The following MARCHF10 variants were observed in gnomAD, a reference collection of about 807,000 sequenced individuals.
MARCHF10 encodes the protein membrane associated ring-CH-type finger 10.
MARCHF10 carries 64 observed loss-of-function variants against 76.2 expected under a neutral mutation model. The ratio of observed to expected loss-of-function variants is 0.84; its 90% CI spans 0.69 to 1.03. The LOEUF (loss-of-function observed/expected upper bound fraction) is 1.03. Among genes scored for constraint, MARCHF10 ranks in the 50% least tolerant of loss-of-function variants. The pLI is 0.00. For missense variants in MARCHF10, 875 were observed against 958.0 expected (o/e 0.91, Z 1.14); for synonymous variants, 340 against 357.5 (o/e 0.95, Z 0.55).
chr17:62,775,077 C>CA (rs772331539), intron 3 of MARCHF10, among the ~76,000 whole-genome samples: 58 of 150,860 alleles, frequency 3.8e-4, no homozygotes, highest in Admixed American at 6.6e-4. Context: ...AAAACAAAAA[C>CA]AAACAAAAAA....
chr17:62,732,174 A>G (rs370878417), intron 6 of MARCHF10, among the ~76,000 whole-genome samples: 9 of 152,242 alleles, frequency 5.9e-5, no homozygotes, highest in African/African-American at 1.4e-4. Flanking sequence ...ATGTTTATCA[A>G]AGAAAAAGTC....
chr17:62,739,086 G>A (rs1474261714), intron 5 of MARCHF10, among the ~76,000 whole-genome samples: 3 of 152,148 alleles, frequency 2.0e-5, no homozygotes, highest in African/African-American at 4.8e-5. Context: ...ATCACTTAAG[G>A]TCAGGAGTTC....
chr17:62,768,489 C>T (rs2092382197), intron 3 of MARCHF10, among the ~76,000 whole-genome samples: 1 of 152,192 alleles, frequency 6.6e-6, no homozygotes, highest in Non-Finnish European at 1.5e-5. Context: ...CATTGCACTC[C>T]AGTCTGGGTG....
chr17:62,748,714 CA>C (rs1231255556), intron 4 of MARCHF10, among the ~76,000 whole-genome samples: 1 of 152,220 alleles, frequency 6.6e-6, no homozygotes, highest in Non-Finnish European at 1.5e-5. Context: ...CACTGCACTC[CA>C]GCCTGGGCAA....
intron 3 of MARCHF10, among the ~76,000 whole-genome samples, chr17:62,770,177 T>C (rs1244063121): frequency 1.3e-5 from 2 of 152,228 alleles, no homozygotes; most frequent in African/African-American, 2.4e-5. Context: ...GCTCCATCCA[T>C]ATTGCTCCAA....
chr17:62,705,471 C>T, intron 10 of MARCHF10, 68 bp downstream of exon 10: 5 of 1,613,896 alleles, frequency 3.1e-6, no homozygotes, highest in Non-Finnish European at 4.2e-6. Flanking sequence ...TTTGGTTCCA[C>T]ACAGTCACAG....
At chr17:62,709,565 G>A (rs868091806) in intron 9 of MARCHF10, among the ~76,000 whole-genome samples, 4 of 152,186 alleles carry the variant, frequency 2.6e-5, no homozygotes, top group Non-Finnish European at 5.9e-5. Context: ...CACAATGTGA[G>A]TGAATTCTCC....
intron 10 of MARCHF10, chr17:62,705,306 C>G: frequency 6.9e-7 from 1 of 1,454,346 alleles, no homozygotes; most frequent in Non-Finnish European, 9.0e-7. Flanking sequence ...TTTGTTGGCG[C>G]CTTTCCTTGC....
Position 62,712,882 on chromosome 17 carries a change from T to C in MARCHF10, c.2215-1538A>G, listed in dbSNP as rs2090002465. ...GCCTCAGCCTCCTGAGTAGCTGGGATTACAGGTGTGCACCACCACGCCCAG... is the reference window on the plus strand; with the variant it reads ...GCCTCAGCCTCCTGAGTAGCTGGGACTACAGGTGTGCACCACCACGCCCAG... On this transcript the variant is annotated intron_variant, in intron 8 of 10. Coordinates refer to ENST00000311269, the MANE Select transcript of MARCHF10 (RefSeq NM_152598.4). This position sits in a 1 kb window ranked among gnomAD's most constrained non-coding sequence, Gnocchi z 4.2. Among the ~76,000 whole-genome samples, 1 of 152,050 alleles carries C rather than the reference T, an allele frequency of 6.6e-6. No individual in the cohort carries two copies. The highest frequency in any genetic ancestry group is 2.1e-4 in the South Asian group (1 of 4,808).
rs80285368 is a variant in MARCHF10, at chr17:62,725,057, C to T, written c.1985G>A (p.Cys662Tyr). 1.1e-3 allele frequency: 1,813 copies of T among 1,606,550 alleles called. 12 individuals are homozygous for T. In the African/African-American group the frequency reaches 0.02, roughly 18 times the overall value. ...GCTTGGGGAACCCCCGGCTATCTGACAGATGCGACACAAGTCTCCCTCCTC... is the reference window on the plus strand; with the variant it reads ...GCTTGGGGAACCCCCGGCTATCTGATAGATGCGACACAAGTCTCCCTCCTC... ...SEEEGDLCRI[C>Y]QIAGGSPSNP... Residue 662 changes from cysteine (C) to tyrosine (Y), a missense_variant, in exon 7 of 11, where the codon TGT becomes TAT. By Grantham distance (194) the Cys-to-Tyr change is radical. Transcript: ENST00000311269.
chr17:62,776,801 C>G (rs910905146), intron 3 of MARCHF10, among the ~76,000 whole-genome samples: 2 of 152,236 alleles, frequency 1.3e-5, no homozygotes, highest in African/African-American at 4.8e-5. Context: ...TCCATCTACT[C>G]AGAGCTACAA....
chr17:62,744,194 A>T (rs1371030741), intron 5 of MARCHF10, among the ~76,000 whole-genome samples, 182 bp downstream of exon 5: 1 of 151,942 alleles, frequency 6.6e-6, no homozygotes, highest in Non-Finnish European at 1.5e-5. Context: ...CTCTTGGAGG[A>T]AAAAAAACGC....
intron 3 of MARCHF10, among the ~76,000 whole-genome samples, chr17:62,786,258 C>A (rs1397950476): frequency 1.3e-5 from 2 of 152,052 alleles, no homozygotes; most frequent in African/African-American, 2.4e-5. Context: ...TGGAAACCAT[C>A]ATTCTGAGCA....
intron 3 of MARCHF10, among the ~76,000 whole-genome samples, chr17:62,781,374 C>T (rs769978182): frequency 9.2e-5 from 14 of 152,128 alleles, no homozygotes; most frequent in Non-Finnish European, 1.9e-4. Flanking sequence ...AATGATCCCA[C>T]GAGATATGCA....
intron 3 of MARCHF10, among the ~76,000 whole-genome samples, chr17:62,776,174 G>A (rs1296282801): frequency 1.3e-5 from 2 of 152,154 alleles, no homozygotes; most frequent in African/African-American, 4.8e-5. Context: ...AGAAAATGTA[G>A]TAAACAAACA....
intron 6 of MARCHF10, among the ~76,000 whole-genome samples, chr17:62,732,992 C>CAAAAAAAAA (rs398041783): frequency 1.5e-5 from 1 of 66,542 alleles, no homozygotes; most frequent in African/African-American, 5.3e-5. Flanking sequence ...GACTCAGTCT[C>CAAAAAAAAA]AAAAAAAAAA....
In MARCHF10 at chr17:62,736,533, G is replaced by A. The variant is rs1599153853; in HGVS notation, c.1335C>T (p.Asn445=). 1 of 1,614,206 alleles carries A rather than the reference G, an allele frequency of 6.2e-7. No individual in the cohort carries two copies. The highest frequency in any genetic ancestry group is 2.2e-5 in the East Asian group (1 of 44,888). The change falls in exon 6 of 11, where the codon AAC becomes AAT. Residue 445 remains asparagine, a synonymous_variant. Coordinates refer to ENST00000311269, the MANE Select transcript of MARCHF10 (RefSeq NM_152598.4). ...DSEGYWKDYL[N]SSQNSLDYFI... Reference sequence around the variant, plus strand: ...AGTAGTCAAGAGAATTTTGAGAACTGTTTAAATAGTCTTTCCAGTATCCTT... The same window carrying A: ...AGTAGTCAAGAGAATTTTGAGAACTATTTAAATAGTCTTTCCAGTATCCTT...
At chr17:62,708,400 C>T (rs2147571758) in intron 9 of MARCHF10, among the ~76,000 whole-genome samples, 1 of 152,230 alleles carries the variant, frequency 6.6e-6, no homozygotes, top group East Asian at 1.9e-4. Flanking sequence ...TGCACGCTGC[C>T]ACGCCCGGCT....
chr17:62,788,711 T>TATTTGATGAACACCTGGA, intron 2 of MARCHF10, 112 bp from the exon 3 acceptor site: 1 of 1,396,842 alleles, frequency 7.2e-7, no homozygotes, highest in East Asian at 2.3e-5. Flanking sequence ...CATCTCCAGG[T>TATTTGATGAACACCTGGA]GTTCATCAAA....
Sources: gnomAD v4.1 joint callset for allele counts (sites outside exome capture counted in the v4.1 genomes callset) on GRCh38, gnomAD v4.1.1 for gene constraint, Gnocchi (gnomAD v3.1) non-coding constraint, MANE v1.5 for transcripts, NCBI Gene and HGNC (gene_info 2026-07-23, HGNC 2026-07-21) for gene names.